KSR2: variants seen among roughly 807,000 people sequenced by gnomAD.
KSR2 encodes kinase suppressor of ras 2.
KSR2 carries 25 observed loss-of-function variants against 107.8 expected under a neutral mutation model. That is an observed-to-expected ratio of 0.23 (90% CI 0.17 to 0.32). The LOEUF (loss-of-function observed/expected upper bound fraction) is 0.32, where lower values mean the gene tolerates loss of function less well. Among genes scored for constraint, KSR2 ranks in the 10% least tolerant of loss-of-function variants. The probability of loss-of-function intolerance (pLI) is 1.00; values close to 1 mark genes in which losing one functional copy is unlikely to be tolerated. For missense variants in KSR2, 887 were observed against 1,268.9 expected, an observed-to-expected ratio of 0.70 and a Z score of 4.57; for synonymous variants, 480 against 507.0, an observed-to-expected ratio of 0.95 and a Z score of 0.71.
intron 3 of KSR2, among the ~76,000 whole-genome samples, chr12:117,848,759 C>T (rs903015000): frequency 8.1e-5 from 8 of 99,226 alleles, no homozygotes; most frequent in Non-Finnish European, 1.4e-4. Context: ...ATGGTGATGG[C>T]GATGATGGTG....
chr12:117,540,465 C>T (rs182182640), intron 9 of KSR2, among the ~76,000 whole-genome samples: 226 of 152,244 alleles, frequency 1.5e-3, no homozygotes, highest in African/African-American at 5.3e-3. Context: ...ACAGTGTCCC[C>T]CAAAAGACGT....
chr12:117,485,004 T>C (rs1011439967), intron 15 of KSR2, among the ~76,000 whole-genome samples: 44 of 152,330 alleles, frequency 2.9e-4, no homozygotes, highest in Non-Finnish European at 2.4e-4. Context: ...GAAGAGTCTA[T>C]TGGAGGCCTC....
intron 9 of KSR2, among the ~76,000 whole-genome samples, chr12:117,551,526 GAGCTGAGTTGCA>G (rs1877311143): frequency 6.6e-6 from 1 of 152,148 alleles, no homozygotes; most frequent in Admixed American, 6.5e-5. Context: ...GCAAGTTAAA[GAGCTGAGTTGCA>G]AGCTCAGACT....
At chr12:117,646,350 G>T (rs558051767) in intron 5 of KSR2, among the ~76,000 whole-genome samples, 5 of 152,170 alleles carry the variant, frequency 3.3e-5, no homozygotes, top group African/African-American at 1.2e-4. Flanking sequence ...CCCATAACAT[G>T]CAGTATCAGC....
At chr12:117,580,409 T>G (rs1254445355) in intron 6 of KSR2, among the ~76,000 whole-genome samples, 1 of 152,182 alleles carries the variant, frequency 6.6e-6, no homozygotes, top group African/African-American at 2.4e-5. Flanking sequence ...GGAGCGTGTA[T>G]TTCACTCATC....
At chr12:117,698,910 G>A (rs1162027142) in intron 4 of KSR2, among the ~76,000 whole-genome samples, 1 of 152,082 alleles carries the variant, frequency 6.6e-6, no homozygotes, top group African/African-American at 2.4e-5. Flanking sequence ...AGTTCCCATG[G>A]CCTGAAATCT....
intron 4 of KSR2, among the ~76,000 whole-genome samples, chr12:117,732,250 T>A (rs1887756726): frequency 6.6e-6 from 1 of 151,664 alleles, no homozygotes; most frequent in African/African-American, 2.4e-5. Flanking sequence ...AAAACACAAC[T>A]AGAATGGGAG....
intron 1 of KSR2, among the ~76,000 whole-genome samples, chr12:117,908,911 A>G (rs1048881840): frequency 2.6e-5 from 4 of 152,206 alleles, no homozygotes; most frequent in African/African-American, 9.6e-5. Flanking sequence ...GTATCACTAC[A>G]TTGAGTATTG....
At chr12:117,642,907 G>C (rs1225394882) in intron 5 of KSR2, among the ~76,000 whole-genome samples, 1 of 152,144 alleles carries the variant, frequency 6.6e-6, no homozygotes, top group African/African-American at 2.4e-5. Flanking sequence ...CCAGGGGATG[G>C]GAAACCAGGC....
chr12:117,643,289 A>T (rs75163193), intron 5 of KSR2, among the ~76,000 whole-genome samples: 5,316 of 152,192 alleles, frequency 0.035, 304 homozygotes, highest in African/African-American at 0.12. Context: ...AGAAATATTA[A>T]TACAAAAATT....
At chr12:117,713,198 A>T (rs879415013) in intron 4 of KSR2, among the ~76,000 whole-genome samples, 5 of 151,736 alleles carry the variant, frequency 3.3e-5, no homozygotes, top group Admixed American at 2.0e-4. Flanking sequence ...AGATATGTCT[A>T]TATAGATATA....
intron 1 of KSR2, among the ~76,000 whole-genome samples, chr12:117,947,642 G>A (rs1896239191): frequency 6.6e-6 from 1 of 151,976 alleles, no homozygotes; most frequent in Admixed American, 6.6e-5. Flanking sequence ...GGAATCCAGG[G>A]AAGAAAAGTT....
Position 117,527,003 on chromosome 12 carries a change from G to C in KSR2, c.1851+68C>G. 3.0e-6 allele frequency: 4 copies of C among 1,353,298 alleles called. 1 individual carries two copies. Among genetic ancestry groups the C allele is most frequent in the South Asian group, 1.2e-5 (1 of 85,012 alleles). The allele number at this position is 1,353,298 out of a possible 1,614,324, so 83.8% of individuals were successfully genotyped here. A position where few individuals can be genotyped will look rare whatever the true frequency, so the allele number is the denominator to read the frequency against. On this transcript the variant is annotated intron_variant, in intron 13 of 19. Transcript: ENST00000339824. ...CCAAGCCCTCTGCGTCATCCAAAAC[G>C]TCAGTCGGCTTTGCCAAGTTCTGGG...
intron 3 of KSR2, among the ~76,000 whole-genome samples, chr12:117,770,045 AC>A (rs1254725046): frequency 6.9e-6 from 1 of 144,426 alleles, no homozygotes; most frequent in East Asian, 2.0e-4. Context: ...CAAGAGTGAA[AC>A]TCCATCTCAA....
chr12:117,511,252 T>C (rs1592941345), intron 14 of KSR2, among the ~76,000 whole-genome samples: 1 of 152,250 alleles, frequency 6.6e-6, no homozygotes, highest in African/African-American at 2.4e-5. Context: ...GACACACAGG[T>C]GCTCAACTCT....
intron 3 of KSR2, among the ~76,000 whole-genome samples, chr12:117,811,415 T>C (rs1039985836): frequency 2.6e-5 from 4 of 152,328 alleles, no homozygotes; most frequent in African/African-American, 9.6e-5. Flanking sequence ...CGGCAACACC[T>C]GAGGACTTGC....
chr12:117,899,164 A>G (rs1317625869), intron 1 of KSR2, among the ~76,000 whole-genome samples: 1 of 152,186 alleles, frequency 6.6e-6, no homozygotes, highest in Non-Finnish European at 1.5e-5. Context: ...ACTTTGGGAT[A>G]CAACCGTGAA....
At chr12:117,469,100 T>C (rs748937077) in intron 19 of KSR2, among the ~76,000 whole-genome samples, 3 of 152,170 alleles carry the variant, frequency 2.0e-5, no homozygotes, top group African/African-American at 4.8e-5. Context: ...ACACTCATTA[T>C]CTCAGATAGA....
At chr12:117,679,328 G>T (rs1262087630) in intron 4 of KSR2, among the ~76,000 whole-genome samples, 1 of 152,174 alleles carries the variant, frequency 6.6e-6, no homozygotes, top group Non-Finnish European at 1.5e-5. Flanking sequence ...AACCCTACAA[G>T]GAAGGTACTA....
Sources: allele counts gnomAD v4.1 joint callset (sites outside exome capture counted in the v4.1 genomes callset), GRCh38; gene constraint gnomAD v4.1.1; transcripts MANE v1.5; gene names NCBI Gene and HGNC (gene_info 2026-07-23, HGNC 2026-07-21).